ACOT7: variants seen among roughly 807,000 people sequenced by gnomAD.
ACOT7 encodes the protein cytosolic acyl coenzyme A thioester hydrolase.
A neutral mutation model predicts 40.2 loss-of-function variants in ACOT7; 12 were observed. The ratio of observed to expected loss-of-function variants is 0.30; its 90% confidence interval spans 0.19 to 0.48. The LOEUF (loss-of-function observed/expected upper bound fraction) is 0.48, where lower values mean the gene tolerates loss of function less well. Among genes scored for constraint, ACOT7 ranks in the 20% least tolerant of loss-of-function variants. ACOT7 has a pLI of 0.99. For synonymous variants in ACOT7, 228 were observed against 219.5 expected, an observed-to-expected ratio of 1.04 and a Z score of -0.34; for missense variants, 395 against 530.8, an observed-to-expected ratio of 0.74 and a Z score of 2.51.
At chr1:6,350,316 G>A (rs982916026) in intron 1 of ACOT7, among the ~76,000 whole-genome samples, 1 of 152,178 alleles carries the variant, frequency 6.6e-6, no homozygotes, top group African/African-American at 2.4e-5. Context: ...AGCCACGGCT[G>A]TTCTGAGAAC....
At chr1:6,269,079 A>G (rs1638943859) in intron 8 of ACOT7, among the ~76,000 whole-genome samples, 1 of 152,244 alleles carries the variant, frequency 6.6e-6, no homozygotes, top group African/African-American at 2.4e-5. Flanking sequence ...GGTCTTCCCA[A>G]CAACCCCACC....
rs1171499592 is a variant in ACOT7 at position 6,323,716 on chromosome 1, CAAAAA to C, written c.625+3578_625+3582del. Among the ~76,000 whole-genome samples the C allele has an allele frequency of 1.9e-3, 132 of 69,034 alleles. 1 individual carries two copies. The highest frequency in any genetic ancestry group is 5.9e-3 in the African/African-American group (110 of 18,624). 45.3% of individuals were successfully genotyped at this position (69,034 alleles called of 152,430 possible). A position where few individuals can be genotyped will look rare whatever the true frequency, so the allele number is the denominator to read the frequency against. Reference sequence around the variant, plus strand: ...CTGGTCAACAGAGTGAGACTTGTCTCAAAAAAAAAAAAAAAAAAAAAATATATATA... The same window carrying C: ...CTGGTCAACAGAGTGAGACTTGTCTCAAAAAAAAAAAAAAAAATATATATA... On this transcript the variant is annotated intron_variant, in intron 5 of 8. Coordinates refer to ENST00000361521, the MANE Select transcript of ACOT7 (RefSeq NM_007274.4).
chr1:6,269,349 C>A (rs1320212674), intron 8 of ACOT7, among the ~76,000 whole-genome samples: 3 of 152,212 alleles, frequency 2.0e-5, no homozygotes, highest in African/African-American at 7.2e-5. Context: ...CCTCACCTCA[C>A]CCCGGCCCTC....
At chr1:6,271,170 C>G (rs770994489) in intron 8 of ACOT7, among the ~76,000 whole-genome samples, 6 of 152,230 alleles carry the variant, frequency 3.9e-5, no homozygotes, top group Non-Finnish European at 7.3e-5. Context: ...GTGCTGCAAA[C>G]CAAATGTTTT....
At position 6,299,640 on chromosome 1, in the gene ACOT7, C is replaced by CAA. The variant is rs368785858; in HGVS notation, c.713-4661_713-4660insTT. On this transcript the variant is annotated intron_variant, in intron 6 of 8. Transcript: ENST00000361521. This position sits in a 1 kb window ranked among gnomAD's most constrained non-coding sequence, Gnocchi z 4.1. ...CTGACTAGGTACTAGGTCATGGCTTCAGAGAGAGAGAGAGAGAGAGCGCAA... is the reference window on the plus strand; with the variant it reads ...CTGACTAGGTACTAGGTCATGGCTTCAAAGAGAGAGAGAGAGAGAGAGCGCAA... 2.0e-5 allele frequency among the ~76,000 whole-genome samples: 3 copies of CAA among 148,282 alleles called. No individual in the cohort carries two copies. The highest frequency in any genetic ancestry group is 4.5e-5 in the Non-Finnish European group (3 of 66,804).
intron 2 of ACOT7, among the ~76,000 whole-genome samples, chr1:6,341,984 C>G (rs1485619421): frequency 2.0e-5 from 3 of 152,188 alleles, no homozygotes; most frequent in Non-Finnish European, 4.4e-5. Flanking sequence ...CCCTGCTTTT[C>G]TCTCTTCATC....
In ACOT7 at chr1:6,355,112, G is replaced by A. The variant is rs557584181; in HGVS notation, c.144-5246C>T. ...CAGAGCACTGCTGCTTAGCAGGCAC[G>A]CCTGGCCCTTCCCACCGTTCTACCT... is the stretch of plus-strand genomic sequence containing the variant. On this transcript the variant is annotated intron_variant, in intron 1 of 8. Coordinates refer to ENST00000361521, the MANE Select transcript of ACOT7 (RefSeq NM_007274.4). The surrounding 1 kb of genome is among the most constrained non-coding windows in gnomAD (Gnocchi z 5.0). Among the ~76,000 whole-genome samples the A allele has an allele frequency of 1.6e-4, 24 of 152,202 alleles. No individual in the cohort carries two copies. The highest frequency in any genetic ancestry group is 8.5e-4 in the Admixed American group (13 of 15,298).
At position 6,333,474 on chromosome 1, in the gene ACOT7, T is replaced by C. The variant is rs1349472620; in HGVS notation, c.510+3A>G. On this transcript the variant is annotated splice_donor_region_variant and intron_variant, in intron 4 of 8. Transcript: ENST00000361521. ...CAAGAGAGAAGTAGAAAGGGCACCT[T>C]ACCACAACAGGAGGCACCTCGAGGA... is the stretch of plus-strand genomic sequence containing the variant. The C allele has an allele frequency of 1.2e-6, 2 of 1,614,132 alleles. No homozygotes were observed. Among genetic ancestry groups the C allele is most frequent in the Admixed American group, 1.7e-5 (1 of 60,018 alleles).
chr1:6,356,557 C>T (rs946920528), intron 1 of ACOT7, among the ~76,000 whole-genome samples: 2 of 152,188 alleles, frequency 1.3e-5, no homozygotes, highest in Admixed American at 1.3e-4. Flanking sequence ...TGAACCCTGC[C>T]TGCCCCTTCC....
chr1:6,304,393 CTTT>C (rs765262733), intron 6 of ACOT7, among the ~76,000 whole-genome samples: 2 of 111,104 alleles, frequency 1.8e-5, no homozygotes, highest in African/African-American at 3.5e-5. Context: ...AAAGTACGTT[CTTT>C]TTTTTTTTTT....
At chr1:6,285,337 G>A (rs955352481) in intron 7 of ACOT7, among the ~76,000 whole-genome samples, 23 of 152,190 alleles carry the variant, frequency 1.5e-4, no homozygotes, top group Non-Finnish European at 3.1e-4. Flanking sequence ...CCTGCTGGCC[G>A]GTACTTCCTT....
At chr1:6,371,818 G>A (rs1642138843) in intron 1 of ACOT7, among the ~76,000 whole-genome samples, 1 of 151,848 alleles carries the variant, frequency 6.6e-6, no homozygotes, top group South Asian at 2.1e-4. Context: ...GCTGAGACAG[G>A]CAGATCATTT....
At chr1:6,326,181 C>A (rs1037126295) in intron 5 of ACOT7, among the ~76,000 whole-genome samples, 1 of 152,182 alleles carries the variant, frequency 6.6e-6, no homozygotes, top group Non-Finnish European at 1.5e-5. Flanking sequence ...GCACACAGTG[C>A]GTCCTGGAGG....
chr1:6,368,087 G>A (rs1017993033), intron 1 of ACOT7, among the ~76,000 whole-genome samples: 19 of 152,124 alleles, frequency 1.2e-4, no homozygotes, highest in African/African-American at 4.3e-4. Flanking sequence ...TGGTCCATGG[G>A]TGGGCCAGCA....
chr1:6,387,934 G>GTT (rs557741543), intron 1 of ACOT7, among the ~76,000 whole-genome samples: 70 of 139,134 alleles, frequency 5.0e-4, no homozygotes, highest in African/African-American at 1.2e-3. Context: ...CAGGTTCTTT[G>GTT]TTTTTTTTTT....
At chr1:6,363,806 T>C (rs1359837854) in intron 1 of ACOT7, among the ~76,000 whole-genome samples, 2 of 152,182 alleles carry the variant, frequency 1.3e-5, no homozygotes, top group East Asian at 1.9e-4. Flanking sequence ...TTGGTGGTAG[T>C]TGTCCCCCGG....
chr1:6,374,606 G>T (rs757896314), intron 1 of ACOT7, among the ~76,000 whole-genome samples: 10 of 152,180 alleles, frequency 6.6e-5, no homozygotes, highest in Non-Finnish European at 1.2e-4. Context: ...AGGTGGAAAT[G>T]GCCAAGGAGG....
At chr1:6,291,070 G>A (rs1639649004) in intron 7 of ACOT7, among the ~76,000 whole-genome samples, 1 of 152,132 alleles carries the variant, frequency 6.6e-6, no homozygotes, top group African/African-American at 2.4e-5. Context: ...TCAAGTTCAT[G>A]ATTTTATAAA....
Position 6,385,558 on chromosome 1 carries a change from C to T in ACOT7, c.143+7699G>A, listed in dbSNP as rs373815001. On this transcript the variant is annotated intron_variant, in intron 1 of 8. Transcript: ENST00000361521. ...CTGGGCCCAACCACCTGGACGGGAGCGCAGCACCCTCGCCGGGGCCCCACA... is the reference window on the plus strand; with the variant it reads ...CTGGGCCCAACCACCTGGACGGGAGTGCAGCACCCTCGCCGGGGCCCCACA... 2.6e-4 allele frequency: 416 copies of T among 1,612,084 alleles called. 6 individuals carry two copies. The East Asian group carries it at 8.5e-3, about 33-fold the overall frequency.
Sources: allele counts gnomAD v4.1 joint callset (sites outside exome capture counted in the v4.1 genomes callset), GRCh38; gene constraint gnomAD v4.1.1; non-coding constraint Gnocchi (gnomAD v3.1); transcripts MANE v1.5; gene names NCBI Gene and HGNC (gene_info 2026-07-23, HGNC 2026-07-21).